PDE4D: variants seen among roughly 807,000 people sequenced by gnomAD.
The protein encoded by PDE4D is phosphodiesterase 4D.
A neutral mutation model predicts 87.4 loss-of-function variants in PDE4D; 24 were observed. That is an observed-to-expected ratio of 0.27 (90% CI 0.20 to 0.39). The LOEUF (loss-of-function observed/expected upper bound fraction) is 0.39, where lower values mean the gene tolerates loss of function less well. Among genes scored for constraint, PDE4D ranks in the 10% least tolerant of loss-of-function variants. The pLI is 1.00. For synonymous variants in PDE4D, 384 were observed against 383.2 expected (o/e 1.00, Z -0.02); for missense variants, 714 against 1,041.0 (o/e 0.69, Z 4.32).
At chr5:60,460,755 C>A in intron 1 of PDE4D, 1 of 639,460 alleles carries the variant, frequency 1.6e-6, no homozygotes, top group Non-Finnish European at 2.8e-6. Context: ...TAGGGAAGTC[C>A]AAGAACCAGA....
chr5:60,476,697 C>T (rs1445835261), intron 1 of PDE4D, among the ~76,000 whole-genome samples: 2 of 152,156 alleles, frequency 1.3e-5, no homozygotes, highest in African/African-American at 4.8e-5. Flanking sequence ...AGCCTTGCAT[C>T]CACTAATGCC....
intron 1 of PDE4D, among the ~76,000 whole-genome samples, chr5:60,456,898 C>A (rs1407769476): frequency 6.6e-6 from 1 of 152,186 alleles, no homozygotes; most frequent in Non-Finnish European, 1.5e-5. Flanking sequence ...TCTCTACCAC[C>A]TGATTTTTTT....
At chr5:60,267,014 C>T (rs184016108) in intron 1 of PDE4D, among the ~76,000 whole-genome samples, 1 of 152,330 alleles carries the variant, frequency 6.6e-6, no homozygotes, top group African/African-American at 2.4e-5. Flanking sequence ...TGCTTTTCCT[C>T]TCATCAGGCA....
At position 59,095,281 on chromosome 5, in the gene PDE4D, T is replaced by C. The variant is rs1769487892; in HGVS notation, c.809-56310A>G. 2.0e-5 allele frequency among the ~76,000 whole-genome samples: 3 copies of C among 151,080 alleles called. No homozygotes were observed. In the Admixed American group the frequency reaches 2.0e-4, roughly 10 times the overall value. On this transcript the variant is annotated intron_variant, in intron 5 of 14. Transcript: ENST00000340635. ...TTAAATTACAATGGAAAATATTCAT[T>C]AACAATCTCATAATGAGGCATTCTA...
chr5:60,052,592 G>A (rs1384614533), intron 2 of PDE4D, among the ~76,000 whole-genome samples: 1 of 152,142 alleles, frequency 6.6e-6, no homozygotes, highest in Non-Finnish European at 1.5e-5. Flanking sequence ...ATACCAAATG[G>A]GCAAAAGCTG....
intron 1 of PDE4D, among the ~76,000 whole-genome samples, chr5:60,228,449 C>T (rs1364917113): frequency 6.6e-6 from 1 of 152,006 alleles, no homozygotes; most frequent in Admixed American, 6.6e-5. Context: ...AGAAATATCA[C>T]ATGCCATTTG....
At chr5:60,380,537 G>A (rs185477994) in intron 1 of PDE4D, among the ~76,000 whole-genome samples, 38 of 152,136 alleles carry the variant, frequency 2.5e-4, no homozygotes, top group African/African-American at 4.1e-4. Context: ...TCCTTCAGTC[G>A]GGGTCCCAGA....
intron 5 of PDE4D, among the ~76,000 whole-genome samples, chr5:59,112,400 C>T (rs905967776): frequency 6.6e-6 from 1 of 152,218 alleles, no homozygotes; most frequent in Non-Finnish European, 1.5e-5. Context: ...AGAGGAATGA[C>T]ATGATTTGCA....
intron 1 of PDE4D, among the ~76,000 whole-genome samples, chr5:60,362,164 G>A (rs904782814): frequency 1.3e-5 from 2 of 152,196 alleles, no homozygotes; most frequent in South Asian, 4.1e-4. Flanking sequence ...ATTATACTGA[G>A]AGCTCTGCTC....
intron 1 of PDE4D, among the ~76,000 whole-genome samples, chr5:60,209,804 G>A (rs1742977747): frequency 6.6e-6 from 1 of 152,010 alleles, no homozygotes; most frequent in Non-Finnish European, 1.5e-5. Context: ...GTATAAAATG[G>A]TTGTGTTTTT....
In PDE4D at chr5:58,990,823, A is replaced by T; in HGVS notation, c.1268T>A (p.Ile423Asn). 6.3e-7 allele frequency: 1 copy of T among 1,590,774 alleles called. No individual in the cohort carries two copies. Among genetic ancestry groups the T allele is most frequent in the Middle Eastern group, 1.7e-4 (1 of 6,036 alleles). Residue 423 changes from isoleucine (I) to asparagine (N), a missense_variant, in exon 9 of 15, where the codon ATC becomes AAC. Transcript: ENST00000340635. ...CCTTACCTGAAAAATGGTGTGCATG[A>T]TAACAGTCAAGGGCCGGTTACCAGA... Reference protein sequence around the residue: ...ELSGNRPLTVIMHTIFQERDL... With the variant: ...ELSGNRPLTVNMHTIFQERDL...
chr5:60,011,786 C>T (rs1199021900), intron 2 of PDE4D, among the ~76,000 whole-genome samples: 1 of 152,080 alleles, frequency 6.6e-6, no homozygotes, highest in Non-Finnish European at 1.5e-5. Context: ...TATGGAGACC[C>T]TGTTTCCTAA....
At chr5:60,368,557 G>A (rs146030985) in intron 1 of PDE4D, among the ~76,000 whole-genome samples, 18 of 152,234 alleles carry the variant, frequency 1.2e-4, no homozygotes, top group East Asian at 1.2e-3. Context: ...TTCATTTTCC[G>A]TGAGGGCCAG....
intron 1 of PDE4D, among the ~76,000 whole-genome samples, chr5:59,589,517 GAGT>G (rs1481440842): frequency 7.2e-5 from 11 of 152,180 alleles, no homozygotes; most frequent in Non-Finnish European, 1.5e-4. Context: ...TTATACAAGA[GAGT>G]AGGTCTCCAT....
At chr5:60,033,166 A>C (rs1460992018) in intron 2 of PDE4D, 3 of 152,104 alleles carry the variant, frequency 2.0e-5, no homozygotes, top group African/African-American at 7.2e-5. Context: ...CTCAGCTTTC[A>C]TTTGTGCTGT....
chr5:59,224,206 CA>C (rs1181258661), intron 1 of PDE4D, among the ~76,000 whole-genome samples: 2 of 151,152 alleles, frequency 1.3e-5, no homozygotes, highest in Non-Finnish European at 2.9e-5. Context: ...CACTTGAGCC[CA>C]GGAGGCTGAG....
intron 2 of PDE4D, among the ~76,000 whole-genome samples, chr5:60,168,812 A>T (rs914965425): frequency 6.6e-6 from 1 of 152,208 alleles, no homozygotes; most frequent in Non-Finnish European, 1.5e-5. Context: ...TTTGCAATTG[A>T]CTGAAACCAC....
intron 1 of PDE4D, among the ~76,000 whole-genome samples, chr5:59,567,872 T>C (rs1366107192): frequency 1.3e-5 from 2 of 152,172 alleles, no homozygotes; most frequent in Non-Finnish European, 1.5e-5. Context: ...TGCTTATCTA[T>C]CTATCATCTA....
At chr5:59,574,814 T>C (rs1822859805) in intron 1 of PDE4D, among the ~76,000 whole-genome samples, 1 of 152,160 alleles carries the variant, frequency 6.6e-6, no homozygotes, top group Admixed American at 6.5e-5. Context: ...CTGAGAACTA[T>C]GGCTTTTTAA....
Sources: allele counts gnomAD v4.1 joint callset (sites outside exome capture counted in the v4.1 genomes callset), GRCh38; gene constraint gnomAD v4.1.1; transcripts MANE v1.5; gene names NCBI Gene and HGNC (gene_info 2026-07-23, HGNC 2026-07-21).